The following ANKRD44 variants were observed in gnomAD, a reference collection of about 807,000 sequenced individuals.
The protein encoded by ANKRD44 is ankyrin repeat domain 44.
In ANKRD44, 35 loss-of-function variants were observed where a neutral mutation model predicts 116.0. The observed-to-expected ratio is 0.30, with a 90% CI of 0.23 to 0.40. The LOEUF is 0.40. Among genes scored for constraint, ANKRD44 ranks in the 10% least tolerant of loss-of-function variants. The pLI, the probability that ANKRD44 is intolerant of heterozygous loss-of-function variation, is 1.00. For synonymous variants in ANKRD44, 435 were observed against 461.8 expected (o/e 0.94, Z 0.74); for missense variants, 1,014 against 1,242.6 (o/e 0.82, Z 2.77).
intron 17 of ANKRD44, among the ~76,000 whole-genome samples, 192 bp downstream of exon 17, chr2:197,025,004 A>C (rs1011934840): frequency 2.6e-5 from 4 of 152,218 alleles, no homozygotes; most frequent in African/African-American, 9.6e-5. Context: ...TCATGTGTCT[A>C]AGATCACCAG....
intron 1 of ANKRD44, among the ~76,000 whole-genome samples, chr2:197,187,371 C>G (rs1314321324): frequency 6.6e-6 from 1 of 152,176 alleles, no homozygotes. Flanking sequence ...ACCATGAACA[C>G]CACCCATCAC....
At chr2:197,102,957 T>A (rs368156470) in intron 9 of ANKRD44, among the ~76,000 whole-genome samples, 72 of 152,158 alleles carry the variant, frequency 4.7e-4, no homozygotes, top group African/African-American at 1.7e-3. Context: ...TGGCGGGGCG[T>A]GGTGGCTCAT....
intron 1 of ANKRD44, among the ~76,000 whole-genome samples, chr2:197,187,423 C>G (rs748854449): frequency 2.0e-5 from 3 of 152,224 alleles, no homozygotes; most frequent in Non-Finnish European, 2.9e-5. Context: ...AAGGAAACTA[C>G]TAAATCTGTG....
intron 10 of ANKRD44, among the ~76,000 whole-genome samples, chr2:197,092,668 C>G (rs1046735307): frequency 6.6e-6 from 1 of 152,170 alleles, no homozygotes; most frequent in African/African-American, 2.4e-5. Flanking sequence ...CAGGCAGCAT[C>G]ATGTGGAGGA....
At chr2:197,012,952 A>T (rs2076325699) in intron 18 of ANKRD44, among the ~76,000 whole-genome samples, 1 of 152,206 alleles carries the variant, frequency 6.6e-6, no homozygotes, top group Non-Finnish European at 1.5e-5. Context: ...TGGGCATGGA[A>T]GAAAAATCCC....
chr2:197,090,897 A>G (rs1206998570), intron 10 of ANKRD44, among the ~76,000 whole-genome samples: 1 of 152,112 alleles, frequency 6.6e-6, no homozygotes, highest in East Asian at 1.9e-4. Flanking sequence ...TACCCATCCC[A>G]TCCCCTTTTC....
intron 4 of ANKRD44, among the ~76,000 whole-genome samples, chr2:197,127,675 C>T (rs1318190258): frequency 6.6e-6 from 1 of 151,976 alleles, no homozygotes; most frequent in African/African-American, 2.4e-5. Context: ...TTTTAATCAA[C>T]TTTTATTTTA....
chr2:197,286,495 C>T (rs1274730688), intron 1 of ANKRD44, among the ~76,000 whole-genome samples: 57 of 151,912 alleles, frequency 3.8e-4, no homozygotes, highest in Non-Finnish European at 2.9e-5. Flanking sequence ...CTGTCTCAGC[C>T]TCCCCAGTAG....
intron 16 of ANKRD44, among the ~76,000 whole-genome samples, chr2:197,038,631 A>G (rs1406200070): frequency 1.3e-5 from 2 of 152,258 alleles, no homozygotes; most frequent in Non-Finnish European, 2.9e-5. Flanking sequence ...GTGAGACACC[A>G]GTAAAAGAAT....
intron 2 of ANKRD44, among the ~76,000 whole-genome samples, chr2:197,162,367 T>C (rs915906192): frequency 2.0e-5 from 3 of 152,244 alleles, no homozygotes; most frequent in Non-Finnish European, 4.4e-5. Context: ...TGAACCGTTT[T>C]ATTTCTAAGA....
intron 10 of ANKRD44, among the ~76,000 whole-genome samples, chr2:197,097,288 T>G (rs1410730739): frequency 1.3e-5 from 2 of 152,156 alleles, no homozygotes; most frequent in African/African-American, 4.8e-5. Context: ...ATTTCCCAAG[T>G]AACCCAAAGC....
intron 9 of ANKRD44, among the ~76,000 whole-genome samples, chr2:197,101,467 T>C (rs2078292063): frequency 6.6e-6 from 1 of 152,202 alleles, no homozygotes; most frequent in African/African-American, 2.4e-5. Flanking sequence ...GGTACCAACT[T>C]TCAGTTTGGG....
intron 1 of ANKRD44, among the ~76,000 whole-genome samples, chr2:197,240,503 G>A (rs2082069519): frequency 6.6e-6 from 1 of 151,586 alleles, no homozygotes; most frequent in African/African-American, 2.4e-5. Context: ...GAAGCAAGAT[G>A]GAAATCCCTA....
intron 1 of ANKRD44, among the ~76,000 whole-genome samples, chr2:197,240,089 G>A (rs1244902118): frequency 1.3e-5 from 2 of 151,904 alleles, no homozygotes; most frequent in Non-Finnish European, 2.9e-5. Flanking sequence ...ATATTCAAGA[G>A]GTAAACCAGG....
intron 1 of ANKRD44, among the ~76,000 whole-genome samples, chr2:197,215,532 A>G (rs2081424326): frequency 6.6e-6 from 1 of 152,204 alleles, no homozygotes; most frequent in Non-Finnish European, 1.5e-5. Context: ...ACCACAGATT[A>G]GAGAAAATCT....
intron 20 of ANKRD44, 124 bp from the exon 21 acceptor site, chr2:197,006,034 T>C: frequency 1.2e-6 from 1 of 834,214 alleles, no homozygotes; most frequent in East Asian, 2.5e-5. Flanking sequence ...GAAGGCAGAC[T>C]CTGTCCTATT....
At chr2:197,091,289 C>T (rs1226572013) in intron 10 of ANKRD44, among the ~76,000 whole-genome samples, 2 of 152,230 alleles carry the variant, frequency 1.3e-5, no homozygotes, top group African/African-American at 2.4e-5. Context: ...ACTCACTCAC[C>T]CCAGTTCCCA....
chr2:197,295,672 T>C (rs1448216634), intron 1 of ANKRD44, among the ~76,000 whole-genome samples: 1 of 151,926 alleles, frequency 6.6e-6, no homozygotes, highest in Admixed American at 6.6e-5. Flanking sequence ...CCCAAGGAGG[T>C]ATAATGACTG....
intron 1 of ANKRD44, among the ~76,000 whole-genome samples, chr2:197,206,644 G>A (rs1327026805): frequency 1.3e-5 from 2 of 152,210 alleles, no homozygotes; most frequent in African/African-American, 2.4e-5. Context: ...GAACCTGGGA[G>A]GCAGAGATTG....
Sources: allele counts gnomAD v4.1 joint callset (sites outside exome capture counted in the v4.1 genomes callset), GRCh38; gene constraint gnomAD v4.1.1; transcripts MANE v1.5; gene names NCBI Gene and HGNC (gene_info 2026-07-23, HGNC 2026-07-21).